Variants in CASKIN1 observed in about 807,000 individuals in gnomAD.
CASKIN1 encodes caskin-1.
Under a neutral mutation model 117.5 loss-of-function variants are expected in CASKIN1, and 42 were observed. The observed-to-expected ratio is 0.36, with a 90% CI of 0.28 to 0.46. The LOEUF (loss-of-function observed/expected upper bound fraction) is 0.46, where lower values mean the gene tolerates loss of function less well. CASKIN1 is among the 20% of genes least tolerant of loss of function. CASKIN1 has a pLI of 1.00. For synonymous variants in CASKIN1, 1,148 were observed against 961.7 expected, an observed-to-expected ratio of 1.19 and a Z score of -3.59; for missense variants, 2,083 against 2,077.3, an observed-to-expected ratio of 1.00 and a Z score of -0.05.
Position 2,179,501 on chromosome 16 carries a change from T to TCAAA in CASKIN1, c.3775+88_3775+91dup. On this transcript the variant is annotated intron_variant, in intron 18 of 19. Coordinates refer to ENST00000343516, the MANE Select transcript of CASKIN1 (RefSeq NM_020764.4). The surrounding 1 kb of genome is among the most constrained non-coding windows in gnomAD (Gnocchi z 5.8). ...CGTTCCCACCCCACCTGGGCTTCCA[T>TCAAA]CAAACCCAAGAAAAGGAAAACCCCT... 1 of 1,391,728 alleles carries TCAAA rather than the reference T, an allele frequency of 7.2e-7. No individual in the cohort carries two copies. Among genetic ancestry groups the TCAAA allele is most frequent in the Admixed American group, 3.2e-5 (1 of 31,446 alleles). The allele number at this position is 1,391,728 out of a possible 1,614,324, so 86.2% of individuals were successfully genotyped here. A position where few individuals can be genotyped will look rare whatever the true frequency, so the allele number is the denominator to read the frequency against.
At position 2,190,122 on chromosome 16, in the gene CASKIN1, G is replaced by A; in HGVS notation, c.195C>T (p.Ile65=). 2 of 1,613,042 alleles carry A rather than the reference G, an allele frequency of 1.2e-6. No individual in the cohort carries two copies. The highest frequency in any genetic ancestry group is 2.2e-5 in the East Asian group (1 of 44,872). ...HAALNGNTEL[I]SLLLEAQAAV... ...CGGCCTGGGCCTCCAGCAGCAGGCT[G>A]ATCAATTCCGTGTTGCCGTTCAGGG... is the stretch of plus-strand genomic sequence containing the variant. Residue 65 remains isoleucine, a synonymous_variant, in exon 3 of 20, where the codon ATC becomes ATT. Coordinates refer to ENST00000343516, the MANE Select transcript of CASKIN1 (RefSeq NM_020764.4).
In CASKIN1 at chr16:2,179,034, G is replaced by A; in HGVS notation, c.4067C>T (p.Pro1356Leu). 2.7e-6 allele frequency: 3 copies of A among 1,128,826 alleles called. No homozygotes were observed. Among genetic ancestry groups the A allele is most frequent in the Non-Finnish European group, 3.3e-6 (3 of 922,944 alleles). 69.9% of individuals were successfully genotyped at this position (1,128,826 alleles called of 1,614,324 possible). A position where few individuals can be genotyped will look rare whatever the true frequency, so the allele number is the denominator to read the frequency against. ...CGAGGCGCCTTCGGGCGGGGCGGGG[G>A]GCGCGGCGGCGGCGGCGGCGGCGGC... ...AAAAAAAAAA[P>L]PAPPEGASPG... Residue 1356 changes from proline to leucine, a missense_variant, in exon 19 of 20, where the codon CCC (proline) becomes CTC (leucine). Physicochemically the swap from Pro to Leu is moderately conservative, Grantham distance 98. Coordinates refer to ENST00000343516, the MANE Select transcript of CASKIN1 (RefSeq NM_020764.4). This position sits in a 1 kb window ranked among gnomAD's most constrained non-coding sequence, Gnocchi z 5.8.
rs1567255511 is a variant in CASKIN1 at position 2,177,708 on chromosome 16, CCACGCTGA to C, written c.*834_*841del. 3 of 240,880 alleles carry C rather than the reference CCACGCTGA, an allele frequency of 1.2e-5. No individual in the cohort carries two copies. The highest frequency in any genetic ancestry group is 2.5e-5 in the Non-Finnish European group (3 of 122,200). 14.9% of individuals were successfully genotyped at this position (240,880 alleles called of 1,614,324 possible). ...TACATGCCCTGCTTCCACGTGGCTG[CCACGCTGA>C]CACACCCACATTCACCAAACCCACC... On this transcript the variant is annotated 3_prime_UTR_variant, in exon 20 of 20. Transcript: ENST00000343516.
In CASKIN1 at chr16:2,180,350, G is replaced by A. The variant is rs2093163112; in HGVS notation, c.3018C>T (p.Ala1006=). ...CCCCAATGGAGGACAGCTCCAGCAT[G>A]GCCGCGATGCTCTTCACACTGCCGG... ...GSAGSVKSIA[A]MLELSSIGGG... The change falls in exon 18 of 20, where the codon GCC becomes GCT. Residue 1006 remains alanine (A), a synonymous_variant. Coordinates refer to ENST00000343516, the MANE Select transcript of CASKIN1 (RefSeq NM_020764.4). 1.3e-6 allele frequency: 2 copies of A among 1,596,912 alleles called. No individual in the cohort carries two copies. Among genetic ancestry groups the A allele is most frequent in the African/African-American group, 1.3e-5 (1 of 74,812 alleles).
chr16:2,190,407 AG>A (rs1369292258), intron 1 of CASKIN1, 49 bp from the exon 2 acceptor site: 2 of 1,521,448 alleles, frequency 1.3e-6, no homozygotes, highest in South Asian at 2.4e-5. Context: ...CAGCCCCTCC[AG>A]GCGGCCTGAG....
Position 2,178,232 on chromosome 16 carries a change from C to T in CASKIN1, c.*318G>A. On this transcript the variant is annotated 3_prime_UTR_variant, in exon 20 of 20. Transcript: ENST00000343516. Reference sequence around the variant, plus strand: ...GGGCGTCCCGATGGGCAGTTCTGTGCTGGGCCCGGGCCTGTGCGCTGCCCC... The same window carrying T: ...GGGCGTCCCGATGGGCAGTTCTGTGTTGGGCCCGGGCCTGTGCGCTGCCCC... 4.6e-6 allele frequency: 2 copies of T among 433,692 alleles called. No individual in the cohort carries two copies. Among genetic ancestry groups the T allele is most frequent in the Non-Finnish European group, 8.6e-6 (2 of 233,810 alleles). 26.9% of individuals were successfully genotyped at this position (433,692 alleles called of 1,614,324 possible).
rs770810473 is a variant in CASKIN1 at position 2,181,939 on chromosome 16, A to G, written c.1630-10T>C. The G allele has an allele frequency of 1.4e-5, 23 of 1,612,770 alleles. No individual in the cohort carries two copies. The East Asian group carries it at 3.8e-4, about 27-fold the overall frequency. ...ACACGGCCAGGTTAGCCTACAGAGC[A>G]GACACACAGAGGAGCCACCTGGGCT... On this transcript the variant is annotated splice_polypyrimidine_tract_variant and intron_variant, in intron 16 of 19. Coordinates refer to ENST00000343516, the MANE Select transcript of CASKIN1 (RefSeq NM_020764.4).
In CASKIN1 at chr16:2,189,101, C is replaced by A. The variant is rs570225320; in HGVS notation, c.543G>T (p.Pro181=). ...TGCCGTTGGGGTCGGTGGCGTCTCC[C>A]GGCCGGGGCTCCAGCAGCGCCGCAC... ...NMCAALLEPR[P]GDATDPNGTS... The change falls in exon 6 of 20, where the codon CCG becomes CCT. Residue 181 remains proline, a synonymous_variant. Coordinates refer to ENST00000343516, the MANE Select transcript of CASKIN1 (RefSeq NM_020764.4). The A allele has an allele frequency of 1.2e-6, 2 of 1,613,552 alleles. No homozygotes were observed. The highest frequency in any genetic ancestry group is 3.3e-5 in the Admixed American group (2 of 59,996).
rs555719806 is a variant in CASKIN1 at position 2,179,926 on chromosome 16, C to G, written c.3442G>C (p.Val1148Leu). The change falls in exon 18 of 20, where the codon GTC becomes CTC. Residue 1148 changes from valine (V) to leucine (L), a missense_variant. Physicochemically the swap from Val to Leu is conservative, Grantham distance 32. Around this residue, in one of 3 missense-constraint regions of CASKIN1, gnomAD observed 1,818 missense variants for 1,688.9 expected, o/e 1.08. Coordinates refer to ENST00000343516, the MANE Select transcript of CASKIN1 (RefSeq NM_020764.4). This position sits in a 1 kb window ranked among gnomAD's most constrained non-coding sequence, Gnocchi z 5.8. Reference sequence around the variant, plus strand: ...TCCTTGGCCTTGGGCCTGCGCTTGACCGTGTCAGACTCGGTCAGGATGAAC... The same window carrying G: ...TCCTTGGCCTTGGGCCTGCGCTTGAGCGTGTCAGACTCGGTCAGGATGAAC... ...VKFILTESDT[V>L]KRRPKAKERE... The G allele has an allele frequency of 6.2e-7, 1 of 1,605,798 alleles. No individual in the cohort carries two copies. The highest frequency in any genetic ancestry group is 1.1e-5 in the South Asian group (1 of 89,828).
At chr16:2,191,441 C>CCTGT (rs2093201368) in intron 1 of CASKIN1, among the ~76,000 whole-genome samples, 2 of 152,234 alleles carry the variant, frequency 1.3e-5, no homozygotes, top group African/African-American at 4.8e-5. Context: ...CACTCACCAG[C>CCTGT]CTGTGTCCTT....
Position 2,185,144 on chromosome 16 carries a change from A to G in CASKIN1, c.1206T>C (p.Gly402=). ...SGMAGGRGSG[G]HALHAGSEGV... ...CTTCAGAGCCCGCGTGTAGGGCGTG[A>G]CCCCCGCTGCCCCGGCCGCCAGCCA... The change falls in exon 12 of 20, where the codon GGT becomes GGC. Residue 402 remains glycine, a synonymous_variant. Coordinates refer to ENST00000343516, the MANE Select transcript of CASKIN1 (RefSeq NM_020764.4). The G allele has an allele frequency of 6.2e-7, 1 of 1,605,794 alleles. No individual in the cohort carries two copies.
intron 1 of CASKIN1, among the ~76,000 whole-genome samples, chr16:2,193,492 A>AC (rs1256963897): frequency 6.6e-6 from 1 of 151,802 alleles, no homozygotes; most frequent in Non-Finnish European, 1.5e-5. Flanking sequence ...CAGAACGCTG[A>AC]CCCCCACTCT....
chr16:2,192,886 G>A (rs906052111), intron 1 of CASKIN1, among the ~76,000 whole-genome samples: 3 of 152,338 alleles, frequency 2.0e-5, no homozygotes, highest in East Asian at 1.9e-4. Context: ...GCTCAGTTGC[G>A]GACTGGATCG....
At chr16:2,192,403 G>A (rs1043410569) in intron 1 of CASKIN1, among the ~76,000 whole-genome samples, 9 of 151,968 alleles carry the variant, frequency 5.9e-5, no homozygotes, top group African/African-American at 1.9e-4. Context: ...GGCCGACAAC[G>A]GACAGTGGCT....
rs1343112941 is a variant in CASKIN1, at chr16:2,179,478, T to A, written c.3775+115A>T. ...ATGGATGAGAGGGTCTGGGGACACG[T>A]TCCCACCCCACCTGGGCTTCCATCA... On this transcript the variant is annotated intron_variant, in intron 18 of 19. Transcript: ENST00000343516. This position sits in a 1 kb window ranked among gnomAD's most constrained non-coding sequence, Gnocchi z 5.8. 3 of 1,387,060 alleles carry A rather than the reference T, an allele frequency of 2.2e-6. No homozygotes were observed. In the African/African-American group the frequency reaches 4.5e-5, roughly 21 times the overall value. The allele number at this position is 1,387,060 out of a possible 1,614,324, so 85.9% of individuals were successfully genotyped here.
In CASKIN1 at chr16:2,178,011, C is replaced by G; in HGVS notation, c.*539G>C. The G allele has an allele frequency of 2.4e-6, 1 of 417,792 alleles. No individual in the cohort carries two copies. Among genetic ancestry groups the G allele is most frequent in the South Asian group, 2.1e-5 (1 of 46,724 alleles). 25.9% of individuals were successfully genotyped at this position (417,792 alleles called of 1,614,324 possible). On this transcript the variant is annotated 3_prime_UTR_variant, in exon 20 of 20. Transcript: ENST00000343516. ...GTCCTTTCAGTTGGTAAATGGTTTT[C>G]TATAGAATCAATAATATTTCTTTCT...
chr16:2,196,104 G>A lies in CASKIN1; in HGVS notation c.94+235C>T, dbSNP rs2093215213. On this transcript the variant is annotated intron_variant, in intron 1 of 19. Transcript: ENST00000343516. The surrounding 1 kb of genome is among the most constrained non-coding windows in gnomAD (Gnocchi z 5.7). Reference sequence around the variant, plus strand: ...AACGCCCGCGGCCCGGGAGGCGGGTGCCGCCAGGTGCCCGCTGCGGGGCTC... The same window carrying A: ...AACGCCCGCGGCCCGGGAGGCGGGTACCGCCAGGTGCCCGCTGCGGGGCTC... Among the ~76,000 whole-genome samples the A allele has an allele frequency of 6.6e-6, 1 of 151,906 alleles. No homozygotes were observed. The highest frequency in any genetic ancestry group is 2.4e-5 in the African/African-American group (1 of 41,410).
Position 2,181,514 on chromosome 16 carries a change from C to T in CASKIN1, c.1854G>A (p.Leu618=), listed in dbSNP as rs1202941312. 2.5e-6 allele frequency: 4 copies of T among 1,608,400 alleles called. No homozygotes were observed. The highest frequency in any genetic ancestry group is 3.4e-5 in the Admixed American group (2 of 59,528). The change falls in exon 18 of 20, where the codon CTG becomes CTA. Residue 618 remains leucine (L), a synonymous_variant. Coordinates refer to ENST00000343516, the MANE Select transcript of CASKIN1 (RefSeq NM_020764.4). ...CAAGAGACTGGGGCGCCTTCCGGCG[C>T]AGGGGGCCCCCCTCATACTTGGCGT... ...AEYAKYEGGP[L]RRKAPQSLEV... is the part of the protein sequence containing the mutation.
intron 8 of CASKIN1, 35 bp downstream of exon 8, chr16:2,187,131 C>G: frequency 6.2e-7 from 1 of 1,613,216 alleles, no homozygotes. Flanking sequence ...CAGCCCCAGC[C>G]CCAGCCACTG....
Sources: gnomAD v4.1 joint callset for allele counts (sites outside exome capture counted in the v4.1 genomes callset) on GRCh38, gnomAD v4.1.1 for gene constraint, gnomAD v4.1.1 regional missense constraint, Gnocchi (gnomAD v3.1) non-coding constraint, MANE v1.5 for transcripts, NCBI Gene and HGNC (gene_info 2026-07-23, HGNC 2026-07-21) for gene names.